TMEM164: variants seen among roughly 807,000 people sequenced by gnomAD.
TMEM164 encodes transmembrane protein 164, also known as RP13-360B22.2.
In TMEM164, 4 loss-of-function variants were observed where a neutral mutation model predicts 18.8. The ratio of observed to expected loss-of-function variants is 0.21; its 90% CI spans 0.10 to 0.49. TMEM164 has a LOEUF of 0.49. Ranked by LOEUF, TMEM164 falls within the 20% of genes least tolerant of loss-of-function variation. The pLI is 0.98. For missense variants in TMEM164, 108 were observed against 239.9 expected, an observed-to-expected ratio of 0.45 and a Z score of 3.63; for synonymous variants, 86 against 101.7, an observed-to-expected ratio of 0.85 and a Z score of 0.93.
chrX:110,110,675 G>T (rs1210751110), intron 4 of TMEM164, among the ~76,000 whole-genome samples: 2 of 112,307 alleles, frequency 1.8e-5, no homozygotes, highest in Admixed American at 9.4e-5. Flanking sequence ...ATCCCCAGAG[G>T]GTCTGATTGA....
rs1474097752 is a variant in TMEM164 at position 110,175,868 on chromosome X, C to T, written c.*2417C>T. The T allele has an allele frequency of 1.5e-5, 11 of 754,221 alleles. No homozygotes were observed. The highest frequency in any genetic ancestry group is 1.7e-5 in the Non-Finnish European group (11 of 639,692). The allele number at this position is 754,221 out of a possible 1,213,427, so 62.2% of individuals were successfully genotyped here. ...CCAAGCCAACGTGGAGAGAAGCAAC[C>T]CAACCAGACTCTTGGCAGCCTGCCT... On this transcript the variant is annotated 3_prime_UTR_variant, in exon 7 of 7. Transcript: ENST00000372068.
chrX:110,059,844 G>A (rs754323199), intron 2 of TMEM164, among the ~76,000 whole-genome samples: 6 of 111,685 alleles, frequency 5.4e-5, no homozygotes, highest in Non-Finnish European at 1.1e-4. Flanking sequence ...TTGGACACCC[G>A]TGAATTAGAG....
chrX:110,006,216 GA>G (rs1338669632), intron 2 of TMEM164, among the ~76,000 whole-genome samples: 4 of 110,658 alleles, frequency 3.6e-5, no homozygotes, highest in Non-Finnish European at 7.6e-5. Context: ...CTCCTGTGTG[GA>G]AAAAAAGGAA....
At chrX:110,170,082 C>T (rs1178630812) in intron 5 of TMEM164, among the ~76,000 whole-genome samples, 2 of 112,148 alleles carry the variant, frequency 1.8e-5, no homozygotes, top group East Asian at 5.6e-4. Flanking sequence ...TGCCCCGTTA[C>T]ACTCTCCCCT....
intron 2 of TMEM164, among the ~76,000 whole-genome samples, chrX:110,059,221 T>C (rs1388255815): frequency 9.0e-6 from 1 of 111,494 alleles, no homozygotes; most frequent in Non-Finnish European, 1.9e-5. Flanking sequence ...TGTCCCAGCA[T>C]CATTTGTTGA....
intron 3 of TMEM164, among the ~76,000 whole-genome samples, chrX:110,101,020 C>T (rs1460260082): frequency 9.1e-6 from 1 of 109,813 alleles, no homozygotes; most frequent in Non-Finnish European, 1.9e-5. Flanking sequence ...CTGCTTCCTT[C>T]TTCTTCCCTC....
At chrX:110,009,258 G>GA in intron 2 of TMEM164, among the ~76,000 whole-genome samples, 1 of 111,792 alleles carries the variant, frequency 8.9e-6, no homozygotes, top group South Asian at 3.7e-4. Context: ...CTTGTTTTTA[G>GA]TTTCCTCCCC....
chrX:110,091,598 C>G (rs752522282), intron 3 of TMEM164, among the ~76,000 whole-genome samples: 1 of 112,386 alleles, frequency 8.9e-6, no homozygotes, highest in East Asian at 2.8e-4. Flanking sequence ...TTTGTAGATT[C>G]TGCATATTAG....
rs188992390 is a variant in TMEM164 at position 110,031,069 on chromosome X, C to T, written c.390+26905C>T. Among the ~76,000 whole-genome samples the T allele has an allele frequency of 3.2e-3, 359 of 110,601 alleles. 1 individual carries two copies. The highest frequency in any genetic ancestry group is 0.02 in the South Asian group (52 of 2,568). Reference sequence around the variant, plus strand: ...ATCCCTCCTCTTCCCCTGCAACTGCCGACAGGCCCCGGCATGTGATGTTCC... The same window carrying T: ...ATCCCTCCTCTTCCCCTGCAACTGCTGACAGGCCCCGGCATGTGATGTTCC... On this transcript the variant is annotated intron_variant, in intron 2 of 6. Transcript: ENST00000372068.
chrX:110,132,263 A>T (rs1279270426), intron 4 of TMEM164, among the ~76,000 whole-genome samples: 1 of 111,337 alleles, frequency 9.0e-6, no homozygotes, highest in African/African-American at 3.3e-5. Flanking sequence ...AGCCTGCTTT[A>T]ATTTTATTTA....
chrX:110,140,970 C>A (rs1037999071), intron 4 of TMEM164, among the ~76,000 whole-genome samples: 1 of 111,333 alleles, frequency 9.0e-6, no homozygotes, highest in Non-Finnish European at 1.9e-5. Context: ...AGCCCAGACT[C>A]GGTGCTCAGT....
At chrX:110,036,062 A>T (rs769312651) in intron 2 of TMEM164, among the ~76,000 whole-genome samples, 38 of 111,755 alleles carry the variant, frequency 3.4e-4, no homozygotes, top group Admixed American at 9.5e-4. Flanking sequence ...AGCAAATTTT[A>T]AAAAAATGGC....
chrX:110,067,212 G>A (rs2065514977), intron 2 of TMEM164, 135 bp from the exon 3 acceptor site: 2 of 576,330 alleles, frequency 3.5e-6, no homozygotes, highest in East Asian at 3.4e-5. Context: ...ACATGTACCT[G>A]TTGCCTTTAA....
chrX:110,038,522 G>A (rs980179406), intron 2 of TMEM164, among the ~76,000 whole-genome samples: 1 of 110,812 alleles, frequency 9.0e-6, no homozygotes, highest in African/African-American at 3.3e-5. Context: ...CCCTGACCCT[G>A]GAGGGGCTTT....
rs757058318 is a variant in TMEM164, at chrX:110,140,223, C to T, written c.508-4575C>T. 2.7e-5 allele frequency among the ~76,000 whole-genome samples: 3 copies of T among 111,259 alleles called. No individual in the cohort carries two copies. In the East Asian group the frequency reaches 8.5e-4, roughly 32 times the overall value. On this transcript the variant is annotated intron_variant, in intron 4 of 6. Transcript: ENST00000372068. Reference sequence around the variant, plus strand: ...AGTAGTGGGTGCCATAGTCTCAGGACATGAGATTCAAATCAGCAGAGTGGT... The same window carrying T: ...AGTAGTGGGTGCCATAGTCTCAGGATATGAGATTCAAATCAGCAGAGTGGT...
chrX:110,029,206 C>T (rs1322951326), intron 2 of TMEM164, among the ~76,000 whole-genome samples: 3 of 111,682 alleles, frequency 2.7e-5, no homozygotes, highest in Non-Finnish European at 3.8e-5. Context: ...CCCTCATATC[C>T]TCAAGTGCCA....
At chrX:110,019,626 C>T (rs1361603235) in intron 2 of TMEM164, among the ~76,000 whole-genome samples, 18 of 112,117 alleles carry the variant, frequency 1.6e-4, no homozygotes, top group African/African-American at 4.9e-4. Flanking sequence ...CACATAGATG[C>T]ATACACTTTA....
At chrX:110,137,803 G>A (rs1358454549) in intron 4 of TMEM164, among the ~76,000 whole-genome samples, 1 of 112,500 alleles carries the variant, frequency 8.9e-6, no homozygotes, top group Admixed American at 9.4e-5. Context: ...CACATTACCT[G>A]TCACCTAGGC....
At chrX:110,122,420 T>G (rs1158009605) in intron 4 of TMEM164, among the ~76,000 whole-genome samples, 2 of 72,266 alleles carry the variant, frequency 2.8e-5, no homozygotes, top group African/African-American at 1.1e-4. Flanking sequence ...CTCTGGGGAC[T>G]GTTGTGGGGT....
Sources: gnomAD v4.1 joint callset for allele counts (sites outside exome capture counted in the v4.1 genomes callset) on GRCh38, gnomAD v4.1.1 for gene constraint, MANE v1.5 for transcripts, NCBI Gene and HGNC (gene_info 2026-07-23, HGNC 2026-07-21) for gene names.